IREB2: variants seen among roughly 807,000 people sequenced by gnomAD.
IREB2 encodes the protein iron responsive element binding protein 2, also known as iron-responsive element-binding protein 2.
In IREB2, 39 loss-of-function variants were observed where a neutral mutation model predicts 118.8. The observed-to-expected ratio is 0.33, with a 90% CI of 0.25 to 0.43. The LOEUF is 0.43. IREB2 is among the 20% of genes least tolerant of loss of function. The pLI is 1.00. For synonymous variants in IREB2, 372 were observed against 392.2 expected (o/e 0.95, Z 0.61); for missense variants, 900 against 1,147.3 (o/e 0.78, Z 3.11).
Position 78,471,302 on chromosome 15 carries a change from C to T in IREB2, c.700-439C>T, listed in dbSNP as rs145236730. Among the ~76,000 whole-genome samples, 499 of 152,346 alleles carry T rather than the reference C, an allele frequency of 3.3e-3. 6 individuals are homozygous for T. The highest frequency in any genetic ancestry group is 0.011 in the African/African-American group (452 of 41,578). ...GCGATCACAGACATGAGCCACTCTG[C>T]CCAGCCACTTTAGTAGTTTCTAAAG... On this transcript the variant is annotated intron_variant, in intron 6 of 21. Coordinates refer to ENST00000258886, the MANE Select transcript of IREB2 (RefSeq NM_004136.4).
At chr15:78,490,317 G>T in intron 16 of IREB2, 105 bp from the exon 17 acceptor site, 1 of 626,988 alleles carries the variant, frequency 1.6e-6, no homozygotes. Context: ...TGTTGTTGTT[G>T]TTGTGACCTA....
At position 78,485,741 on chromosome 15, in the gene IREB2, G is replaced by A. The variant is rs575218082; in HGVS notation, c.1610G>A (p.Arg537His). The change falls in exon 13 of 22, where the codon CGT becomes CAT. Residue 537 changes from arginine to histidine, a missense_variant. Coordinates refer to ENST00000258886, the MANE Select transcript of IREB2 (RefSeq NM_004136.4). The stretch of plus-strand genomic sequence containing the variant: ...AAAAAGGCTGTTGAAGCTGGTCTGC[G>A]TGTTAAACCTTATATAAGAACAAGT... ...LAKKAVEAGL[R>H]VKPYIRTSLS... is the part of the protein sequence containing the mutation. The A allele has an allele frequency of 3.8e-4, 621 of 1,613,966 alleles. 4 individuals are homozygous for A. The South Asian group carries it at 5.2e-3, about 14-fold the overall frequency.
Position 78,479,093 on chromosome 15 carries a change from T to G in IREB2, c.1296+696T>G, listed in dbSNP as rs570075322. Among the ~76,000 whole-genome samples, 9 of 152,158 alleles carry G rather than the reference T, an allele frequency of 5.9e-5. No homozygotes were observed. In the East Asian group the frequency reaches 1.7e-3, roughly 29 times the overall value. ...GCCACCACCATGCTTAACCCCTGTT[T>G]TGTTTTAATATTACTATTTTTTTAA... On this transcript the variant is annotated intron_variant, in intron 10 of 21. Transcript: ENST00000258886.
chr15:78,461,029 A>G (rs11639224), intron 2 of IREB2, among the ~76,000 whole-genome samples: 55,424 of 151,928 alleles, frequency 0.36, 10,832 homozygotes, highest in East Asian at 0.47. Flanking sequence ...TTCACATATC[A>G]TGAACATTTA....
At chr15:78,460,666 A>G (rs1041891035) in intron 2 of IREB2, among the ~76,000 whole-genome samples, 3 of 152,218 alleles carry the variant, frequency 2.0e-5, no homozygotes, top group Admixed American at 2.0e-4. Flanking sequence ...AACAACAAAC[A>G]GTTGTTAAGG....
intron 11 of IREB2, among the ~76,000 whole-genome samples, chr15:78,484,075 C>T (rs1003723809): frequency 6.6e-6 from 1 of 151,946 alleles, no homozygotes; most frequent in South Asian, 2.1e-4. Flanking sequence ...CATGAGCCAC[C>T]GCACCTGGCC....
At chr15:78,469,483 G>A (rs1020780429) in intron 5 of IREB2, among the ~76,000 whole-genome samples, 1 of 152,088 alleles carries the variant, frequency 6.6e-6, no homozygotes, top group African/African-American at 2.4e-5. Context: ...ACTTTGGGAG[G>A]CTGAGGCGGG....
At chr15:78,475,359 C>T (rs1412071950) in intron 8 of IREB2, 1 of 152,022 alleles carries the variant, frequency 6.6e-6, no homozygotes, top group African/African-American at 2.4e-5. Context: ...AGTTTGAAAC[C>T]ACATGTTAAC....
At chr15:78,458,755 G>A (rs1011398937) in intron 2 of IREB2, among the ~76,000 whole-genome samples, 15 of 152,108 alleles carry the variant, frequency 9.9e-5, no homozygotes, top group African/African-American at 3.6e-4. Flanking sequence ...CAGATACCAC[G>A]TCTCATTTGT....
In IREB2 at chr15:78,485,780, G is replaced by A. The variant is rs2051649502; in HGVS notation, c.1649G>A (p.Ser550Asn). 7.4e-6 allele frequency: 12 copies of A among 1,613,910 alleles called. No homozygotes were observed. Among genetic ancestry groups the A allele is most frequent in the Non-Finnish European group, 1.0e-5 (12 of 1,179,800 alleles). Residue 550 changes from serine (S) to asparagine (N), a missense_variant, in exon 13 of 22, where the codon AGT (serine) becomes AAT (asparagine). Coordinates refer to ENST00000258886, the MANE Select transcript of IREB2 (RefSeq NM_004136.4). ...ATAAGAACAAGTTTATCTCCAGGCA[G>A]TGGGATGGTTACACATTACCTCAGT... is the stretch of plus-strand genomic sequence containing the variant. The part of the protein sequence containing the change: ...PYIRTSLSPG[S>N]GMVTHYLSSS...
chr15:78,483,597 A>G (rs2051611854), intron 11 of IREB2, among the ~76,000 whole-genome samples, 163 bp downstream of exon 11: 1 of 152,162 alleles, frequency 6.6e-6, no homozygotes, highest in Admixed American at 6.5e-5. Flanking sequence ...CAAGTCAGTC[A>G]TTAGGTAAGC....
chr15:78,452,131 G>A (rs2051036531), intron 2 of IREB2, among the ~76,000 whole-genome samples: 1 of 152,140 alleles, frequency 6.6e-6, no homozygotes, highest in Non-Finnish European at 1.5e-5. Flanking sequence ...TGGTGGTTGG[G>A]ACTAGATTTA....
At chr15:78,468,114 AAAG>A (rs1415563467) in intron 5 of IREB2, among the ~76,000 whole-genome samples, 1 of 152,238 alleles carries the variant, frequency 6.6e-6, no homozygotes, top group Non-Finnish European at 1.5e-5. Context: ...TTGGCTGCCC[AAAG>A]TGCTGGGATT....
intron 6 of IREB2, among the ~76,000 whole-genome samples, chr15:78,471,437 A>AG (rs1483228163): frequency 6.6e-6 from 1 of 152,244 alleles, no homozygotes; most frequent in Non-Finnish European, 1.5e-5. Flanking sequence ...GAGAGCTTGG[A>AG]GGGAGGGCCT....
Position 78,438,258 on chromosome 15 carries a change from TCCTCCCCGTCTTCCCTGCCCGG to T in IREB2, c.-72_-51del. 1 of 1,117,526 alleles carries T rather than the reference TCCTCCCCGTCTTCCCTGCCCGG, an allele frequency of 8.9e-7. No homozygotes were observed. Among genetic ancestry groups the T allele is most frequent in the Middle Eastern group, 1.9e-4 (1 of 5,190 alleles). The allele number at this position is 1,117,526 out of a possible 1,614,324, so 69.2% of individuals were successfully genotyped here. A position where few individuals can be genotyped will look rare whatever the true frequency, so the allele number is the denominator to read the frequency against. On this transcript the variant is annotated 5_prime_UTR_variant, in exon 1 of 22. Coordinates refer to ENST00000258886, the MANE Select transcript of IREB2 (RefSeq NM_004136.4). Reference sequence around the variant, plus strand: ...TCCTCCCTTGCCAGTCCGCCTGTCTTCCTCCCCGTCTTCCCTGCCCGGCCTCCCCCTTCTTCCCCCGCTGGCC... The same window carrying T: ...TCCTCCCTTGCCAGTCCGCCTGTCTTCCTCCCCCTTCTTCCCCCGCTGGCC...
chr15:78,486,929 G>A (rs557463732), intron 13 of IREB2, among the ~76,000 whole-genome samples: 5 of 152,104 alleles, frequency 3.3e-5, no homozygotes, highest in East Asian at 3.9e-4. Context: ...CTTGGCCCCC[G>A]AAAGTGTTGG....
At chr15:78,490,253 AAAAAG>A (rs1454145219) in intron 16 of IREB2, among the ~76,000 whole-genome samples, 164 bp from the exon 17 acceptor site, 4 of 152,228 alleles carry the variant, frequency 2.6e-5, no homozygotes, top group Admixed American at 6.5e-5. Flanking sequence ...ATTTTTTAAA[AAAAAG>A]AAAAGAATAC....
chr15:78,444,434 G>A lies in IREB2; in HGVS notation c.106+4553G>A, dbSNP rs185565881. 6.6e-5 allele frequency among the ~76,000 whole-genome samples: 10 copies of A among 152,210 alleles called. No homozygotes were observed. In the East Asian group the frequency reaches 1.7e-3, roughly 26 times the overall value. ...CCTGTTACTGGGCAACAGGGCCTCT[G>A]GTGGTGTAAAGCCCCCAGGCACCCT... is the stretch of plus-strand genomic sequence containing the variant. On this transcript the variant is annotated intron_variant, in intron 2 of 21. Coordinates refer to ENST00000258886, the MANE Select transcript of IREB2 (RefSeq NM_004136.4).
At chr15:78,441,461 A>G (rs762686547) in intron 2 of IREB2, among the ~76,000 whole-genome samples, 1 of 152,220 alleles carries the variant, frequency 6.6e-6, no homozygotes, top group Admixed American at 6.5e-5. Flanking sequence ...ACTTCTCCAA[A>G]ATAATCTAGT....
Sources: allele counts gnomAD v4.1 joint callset (sites outside exome capture counted in the v4.1 genomes callset), GRCh38; gene constraint gnomAD v4.1.1; transcripts MANE v1.5; gene names NCBI Gene and HGNC (gene_info 2026-07-23, HGNC 2026-07-21).